RALGAPA1: variants seen among roughly 807,000 people sequenced by gnomAD.
RALGAPA1 encodes Ral GTPase activating protein catalytic subunit alpha 1.
RALGAPA1 carries 52 observed loss-of-function variants against 269.6 expected under a neutral mutation model. The ratio of observed to expected loss-of-function variants is 0.19; its 90% CI spans 0.15 to 0.24. The LOEUF is 0.24. Among genes scored for constraint, RALGAPA1 ranks in the 10% least tolerant of loss-of-function variants. The pLI is 1.00. For missense variants in RALGAPA1, 1,917 were observed against 3,013.9 expected, an observed-to-expected ratio of 0.64 and a Z score of 8.52; for synonymous variants, 817 against 1,008.3, an observed-to-expected ratio of 0.81 and a Z score of 3.60.
At chr14:35,648,282 G>A (rs891777160) in intron 31 of RALGAPA1, among the ~76,000 whole-genome samples, 3 of 151,646 alleles carry the variant, frequency 2.0e-5, no homozygotes, top group Non-Finnish European at 2.9e-5. Context: ...GGGCAATAGA[G>A]GGAGACTCCT....
At chr14:35,776,288 C>G (rs921679287) in intron 1 of RALGAPA1, among the ~76,000 whole-genome samples, 4 of 150,938 alleles carry the variant, frequency 2.7e-5, no homozygotes, top group Non-Finnish European at 5.9e-5. Flanking sequence ...GGCTGAGGCA[C>G]GAGAATCACT....
At chr14:35,614,747 G>T (rs1442591532) in intron 35 of RALGAPA1, among the ~76,000 whole-genome samples, 1 of 151,976 alleles carries the variant, frequency 6.6e-6, no homozygotes, top group Non-Finnish European at 1.5e-5. Context: ...TAATTTGAAA[G>T]CATCTATTAA....
chr14:35,565,854 A>G (rs1023432130), intron 39 of RALGAPA1, among the ~76,000 whole-genome samples: 1 of 152,168 alleles, frequency 6.6e-6, no homozygotes, highest in Non-Finnish European at 1.5e-5. Context: ...CAAAAGAAAT[A>G]ATTGCTTTAA....
chr14:35,751,990 T>A, intron 8 of RALGAPA1, 34 bp downstream of exon 8: 1 of 1,559,830 alleles, frequency 6.4e-7, no homozygotes, highest in Non-Finnish European at 8.6e-7. Flanking sequence ...TACTCTTAAG[T>A]GTGATCTTTC....
At chr14:35,659,944 T>C (rs907049699) in intron 27 of RALGAPA1, among the ~76,000 whole-genome samples, 2 of 152,096 alleles carry the variant, frequency 1.3e-5, no homozygotes, top group African/African-American at 2.4e-5. Flanking sequence ...CCTTTCATAA[T>C]AAAATATAAA....
At chr14:35,657,185 C>A (rs76760435) in intron 28 of RALGAPA1, among the ~76,000 whole-genome samples, 1 of 150,658 alleles carries the variant, frequency 6.6e-6, no homozygotes, top group Non-Finnish European at 1.5e-5. Flanking sequence ...TTTTCTTTTT[C>A]TTTTTTCTTT....
chr14:35,569,890 TTG>T, intron 39 of RALGAPA1, among the ~76,000 whole-genome samples: 1 of 152,310 alleles, frequency 6.6e-6, no homozygotes, highest in South Asian at 2.1e-4. Flanking sequence ...AATGACTATT[TTG>T]ATTACTTCTG....
intron 28 of RALGAPA1, among the ~76,000 whole-genome samples, chr14:35,657,204 T>G (rs186758621): frequency 6.6e-6 from 1 of 151,478 alleles, no homozygotes; most frequent in Non-Finnish European, 1.5e-5. Flanking sequence ...TTTTTTTTTT[T>G]GAGACAGAGT....
chr14:35,702,896 C>T (rs936996137), intron 16 of RALGAPA1, among the ~76,000 whole-genome samples: 3 of 151,634 alleles, frequency 2.0e-5, no homozygotes, highest in Non-Finnish European at 4.4e-5. Flanking sequence ...CCTGCTACCA[C>T]GCCAGGCTAA....
rs2065113332 is a variant in RALGAPA1, at chr14:35,678,109, A to G, written c.4472-7T>C. 6.3e-7 allele frequency: 1 copy of G among 1,597,272 alleles called. No homozygotes were observed. Among genetic ancestry groups the G allele is most frequent in the Admixed American group, 1.8e-5 (1 of 55,396 alleles). On this transcript the variant is annotated splice_region_variant and splice_polypyrimidine_tract_variant and intron_variant, in intron 21 of 41. Coordinates refer to ENST00000680220, the MANE Select transcript of RALGAPA1 (RefSeq NM_001346249.2). ...GGGGAAGCACTTTCTGAACCTGTAA[A>G]TATAATTTCATAAAATTACCATAAA...
chr14:35,579,225 T>C (rs1200457969), intron 37 of RALGAPA1, among the ~76,000 whole-genome samples: 1 of 152,036 alleles, frequency 6.6e-6, no homozygotes, highest in African/African-American at 2.4e-5. Context: ...GGTCAGAATG[T>C]CAGTCAGTGA....
intron 35 of RALGAPA1, among the ~76,000 whole-genome samples, chr14:35,622,859 G>A (rs1305705937): frequency 6.6e-6 from 1 of 152,196 alleles, no homozygotes; most frequent in Non-Finnish European, 1.5e-5. Context: ...AGCACTTTGG[G>A]AGGCTGAGGC....
chr14:35,770,141 T>C (rs965343262), intron 4 of RALGAPA1, among the ~76,000 whole-genome samples: 5 of 152,094 alleles, frequency 3.3e-5, no homozygotes, highest in African/African-American at 9.7e-5. Flanking sequence ...ATAATATTAA[T>C]AGAATAAATG....
intron 13 of RALGAPA1, among the ~76,000 whole-genome samples, chr14:35,726,801 A>G (rs2069959098): frequency 6.6e-6 from 1 of 152,204 alleles, no homozygotes; most frequent in Non-Finnish European, 1.5e-5. Flanking sequence ...CTAACAAGAT[A>G]ATTGTCCAAT....
intron 28 of RALGAPA1, 60 bp downstream of exon 28, chr14:35,659,078 T>A (rs1428680756): frequency 3.9e-6 from 5 of 1,289,254 alleles, no homozygotes; most frequent in Non-Finnish European, 3.2e-6. Flanking sequence ...AAAAATTCAG[T>A]CAACTTCTAA....
intron 38 of RALGAPA1, 76 bp from the exon 39 acceptor site, chr14:35,570,820 G>T: frequency 7.5e-7 from 1 of 1,329,882 alleles, no homozygotes. Flanking sequence ...AAGACACTTT[G>T]CATCCAAAAG....
At chr14:35,683,699 AT>A in intron 21 of RALGAPA1, 109 bp downstream of exon 21, 1 of 818,926 alleles carries the variant, frequency 1.2e-6, no homozygotes, top group Admixed American at 3.1e-5. Context: ...GAATGAAAAA[AT>A]ATACTTAAAT....
chr14:35,775,092 C>T (rs1012090973), intron 2 of RALGAPA1, 37 bp from the exon 3 acceptor site: 33 of 1,149,756 alleles, frequency 2.9e-5, no homozygotes, highest in Non-Finnish European at 4.1e-5. Flanking sequence ...TAAAACATAT[C>T]ATTTTGTCCT....
At chr14:35,585,836 C>G (rs917186697) in intron 37 of RALGAPA1, among the ~76,000 whole-genome samples, 1 of 152,070 alleles carries the variant, frequency 6.6e-6, no homozygotes, top group African/African-American at 2.4e-5. Flanking sequence ...CCAGTACCAT[C>G]CTGTTTTGGT....
Sources: allele counts gnomAD v4.1 joint callset (sites outside exome capture counted in the v4.1 genomes callset), GRCh38; gene constraint gnomAD v4.1.1; transcripts MANE v1.5; gene names NCBI Gene and HGNC (gene_info 2026-07-23, HGNC 2026-07-21).